The following SACS variants were observed in gnomAD, a reference collection of about 807,000 sequenced individuals.
SACS encodes the protein sacsin molecular chaperone, also known as sacsin.
A neutral mutation model predicts 348.0 loss-of-function variants in SACS; 197 were observed. The observed-to-expected ratio is 0.57, with a 90% CI of 0.50 to 0.64. SACS has a LOEUF of 0.64. Among genes scored for constraint, SACS ranks in the 30% least tolerant of loss-of-function variants. The pLI is 0.00. For synonymous variants in SACS, 1,985 were observed against 1,910.6 expected (o/e 1.04, Z -1.02); for missense variants, 4,999 against 5,360.8 (o/e 0.93, Z 2.11).
chr13:23,404,374 C>G (rs1873114424), intron 2 of SACS, among the ~76,000 whole-genome samples: 1 of 152,172 alleles, frequency 6.6e-6, no homozygotes, highest in Non-Finnish European at 1.5e-5. Context: ...ATTCAACACT[C>G]CTTCATGCTA....
rs150900362 is a variant in SACS, at chr13:23,332,975, T to C, written c.10901A>G (p.Gln3634Arg). The C allele has an allele frequency of 1.9e-6, 3 of 1,613,902 alleles. No individual in the cohort carries two copies. Among genetic ancestry groups the C allele is most frequent in the Non-Finnish European group, 2.5e-6 (3 of 1,179,890 alleles). The change falls in exon 10 of 10, where the codon CAA (glutamine) becomes CGA (arginine). Residue 3634 changes from glutamine (Q) to arginine (R), a missense_variant. Physicochemically the swap from Gln to Arg is conservative, Grantham distance 43 (BLOSUM62 1). Transcript: ENST00000382292. ...TCCAGATAACAAATCCATTCGTTCT[T>C]GGAATATATGATGCAGAAGGATATC... Reference protein sequence around the residue: ...TVDILLHHIFQERMDLLSGNF... With the variant: ...TVDILLHHIFRERMDLLSGNF...
At chr13:23,433,051 T>A (rs1160735121) in intron 1 of SACS, among the ~76,000 whole-genome samples, 1 of 152,236 alleles carries the variant, frequency 6.6e-6, no homozygotes, top group African/African-American at 2.4e-5. Flanking sequence ...AAATATTTTT[T>A]AACTAAAAGC....
intron 1 of SACS, chr13:23,427,143 C>T (rs1203059438): frequency 6.6e-6 from 1 of 152,222 alleles, no homozygotes; most frequent in Non-Finnish European, 1.5e-5. Flanking sequence ...CACCGCAACA[C>T]CAAACTGAGC....
chr13:23,418,650 C>A (rs1873783242), intron 1 of SACS, among the ~76,000 whole-genome samples: 1 of 152,126 alleles, frequency 6.6e-6, no homozygotes, highest in South Asian at 2.1e-4. Context: ...GGCTTACAGG[C>A]ACCTGCCACC....
chr13:23,340,479 G>A lies in SACS; in HGVS notation c.3397C>T (p.Leu1133=), dbSNP rs1249661192. ...AGTGTGTGATTCTTATTTAAAACCAGTAAGAGGGTTTTGGCTTTCTTCAGA... is the reference window on the plus strand; with the variant it reads ...AGTGTGTGATTCTTATTTAAAACCAATAAGAGGGTTTTGGCTTTCTTCAGA... The part of the protein sequence containing the change: ...VLLKKAKTLL[L]VLNKNHTLLQ... The change falls in exon 10 of 10, where the codon CTG becomes TTG. Residue 1133 remains leucine (L), a synonymous_variant. Coordinates refer to ENST00000382292, the MANE Select transcript of SACS (RefSeq NM_014363.6). 1.9e-6 allele frequency: 3 copies of A among 1,612,866 alleles called. No individual in the cohort carries two copies. The highest frequency in any genetic ancestry group is 4.5e-5 in the East Asian group (2 of 44,880).
chr13:23,377,499 A>G (rs1389712484), intron 2 of SACS, among the ~76,000 whole-genome samples: 1 of 152,182 alleles, frequency 6.6e-6, no homozygotes, highest in African/African-American at 2.4e-5. Context: ...TTTGCTCCCA[A>G]ATAGATACAT....
In SACS at chr13:23,336,638, G is replaced by C; in HGVS notation, c.7238C>G (p.Thr2413Arg). 1 of 1,613,656 alleles carries C rather than the reference G, an allele frequency of 6.2e-7. No individual in the cohort carries two copies. Among genetic ancestry groups the C allele is most frequent in the Non-Finnish European group, 8.5e-7 (1 of 1,179,820 alleles). ...AAAATTCTCTTCTGTTATTTGCTTTGTTCCTCTTTCTTGATCAATAGATTC... is the reference window on the plus strand; with the variant it reads ...AAAATTCTCTTCTGTTATTTGCTTTCTTCCTCTTTCTTGATCAATAGATTC... ...VLESIDQERG[T>R]KQITEENFQL... Residue 2413 changes from threonine (T) to arginine (R), a missense_variant, in exon 10 of 10, where the codon ACA (threonine) becomes AGA (arginine). Around this residue, in one of 6 missense-constraint regions of SACS, gnomAD observed 3,156 missense variants for 3,380.1 expected, o/e 0.93. Coordinates refer to ENST00000382292, the MANE Select transcript of SACS (RefSeq NM_014363.6).
chr13:23,415,601 A>C (rs1400883639), intron 1 of SACS, among the ~76,000 whole-genome samples: 1 of 152,146 alleles, frequency 6.6e-6, no homozygotes, highest in Admixed American at 6.5e-5. Flanking sequence ...TCACTCTCAT[A>C]ATTTGTTTTT....
chr13:23,358,572 T>G, intron 6 of SACS, 91 bp from the exon 7 acceptor site: 1 of 1,399,998 alleles, frequency 7.1e-7, no homozygotes, highest in Non-Finnish European at 1.0e-6. Flanking sequence ...AATCTCTTAT[T>G]CGAAGGGAAA....
intron 6 of SACS, among the ~76,000 whole-genome samples, chr13:23,362,912 T>C (rs1346601575): frequency 1.3e-5 from 2 of 149,968 alleles, no homozygotes; most frequent in African/African-American, 4.9e-5. Flanking sequence ...TTTATTTATG[T>C]ATGTATTTAT....
At position 23,333,335 on chromosome 13, in the gene SACS, TTAA is replaced by T. The variant is rs776323410; in HGVS notation, c.10538_10540del (p.Ile3513del). 1 of 1,601,752 alleles carries T rather than the reference TTAA, an allele frequency of 6.2e-7. No homozygotes were observed. The highest frequency in any genetic ancestry group is 1.3e-5 in the African/African-American group (1 of 74,262). ...TTCCAGTTTTTCAAAAAGTTGTTCC[TTAA>T]TCTCTGATAATTCCTCAGCACTTGA... On this transcript the variant is annotated inframe_deletion, in exon 10 of 10. Transcript: ENST00000382292.
intron 9 of SACS, among the ~76,000 whole-genome samples, chr13:23,349,797 G>C (rs1869838158): frequency 6.6e-6 from 1 of 152,198 alleles, no homozygotes; most frequent in Non-Finnish European, 1.5e-5. Flanking sequence ...AGAGAGGGTA[G>C]AAAATTTGTT....
chr13:23,372,003 AT>A (rs939376449), intron 3 of SACS, among the ~76,000 whole-genome samples: 2 of 151,872 alleles, frequency 1.3e-5, no homozygotes, highest in African/African-American at 2.4e-5. Context: ...TTTGAAAAAA[AT>A]TTTTTTTTAA....
chr13:23,394,809 C>G (rs377345159), intron 2 of SACS, among the ~76,000 whole-genome samples: 1 of 152,170 alleles, frequency 6.6e-6, no homozygotes. Context: ...GAATCGAGAT[C>G]GCGCACCTGC....
Position 23,339,092 on chromosome 13 carries a change from T to G in SACS, c.4784A>C (p.Lys1595Thr). 1 of 1,611,910 alleles carries G rather than the reference T, an allele frequency of 6.2e-7. No individual in the cohort carries two copies. The highest frequency in any genetic ancestry group is 8.5e-7 in the Non-Finnish European group (1 of 1,179,030). ...ATTAATTTTGATCCCAGGATTGGAT[T>G]TGTCTTTAATGTGTTTACTGATATG... ...INHISKHIKD[K>T]SNPGIKINWS... is the part of the protein sequence containing the mutation. The change falls in exon 10 of 10, where the codon AAA becomes ACA. Residue 1595 changes from lysine to threonine, a missense_variant. Physicochemically the swap from Lys to Thr is moderately conservative, Grantham distance 78 (BLOSUM62 -1). Coordinates refer to ENST00000382292, the MANE Select transcript of SACS (RefSeq NM_014363.6).
At position 23,331,675 on chromosome 13, in the gene SACS, G is replaced by A; in HGVS notation, c.12201C>T (p.His4067=). ...AAAAAGCAAAAGTTTCACTTCTGCT[G>A]TGGGGAATAGGATTAAAACCTTTAA... ...LRVKGFNPIP[H]SRSETFAFLK... The change falls in exon 10 of 10, where the codon CAC becomes CAT. Residue 4067 remains histidine, a synonymous_variant. Coordinates refer to ENST00000382292, the MANE Select transcript of SACS (RefSeq NM_014363.6). The A allele has an allele frequency of 6.2e-7, 1 of 1,613,952 alleles. No homozygotes were observed. Among genetic ancestry groups the A allele is most frequent in the Non-Finnish European group, 8.5e-7 (1 of 1,179,940 alleles).
At chr13:23,365,538 C>T (rs568971126) in intron 5 of SACS, among the ~76,000 whole-genome samples, 4 of 152,202 alleles carry the variant, frequency 2.6e-5, no homozygotes, top group African/African-American at 9.6e-5. Context: ...CAAATTAATC[C>T]TGGGCCCTAT....
chr13:23,408,425 A>G (rs1873327980), intron 2 of SACS, among the ~76,000 whole-genome samples: 3 of 152,260 alleles, frequency 2.0e-5, no homozygotes, highest in African/African-American at 7.2e-5. Context: ...GTTATGTTGC[A>G]ACGTTTAGCT....
At chr13:23,405,573 G>T (rs1165978037) in intron 2 of SACS, among the ~76,000 whole-genome samples, 2 of 152,020 alleles carry the variant, frequency 1.3e-5, no homozygotes, top group Non-Finnish European at 2.9e-5. Flanking sequence ...TTAAACTAAA[G>T]AACTTCTGCA....
Sources: gnomAD v4.1 joint callset for allele counts (sites outside exome capture counted in the v4.1 genomes callset) on GRCh38, gnomAD v4.1.1 for gene constraint, gnomAD v4.1.1 regional missense constraint, MANE v1.5 for transcripts, NCBI Gene and HGNC (gene_info 2026-07-23, HGNC 2026-07-21) for gene names.